CSGALNACT2: variants seen among roughly 807,000 people sequenced by gnomAD.
CSGALNACT2 encodes the protein chondroitin sulfate N-acetylgalactosaminyltransferase 2, also known as beta 4 GalNAcT-2.
In CSGALNACT2, 35 loss-of-function variants were observed where a neutral mutation model predicts 55.3. That is an observed-to-expected ratio of 0.63 (90% CI 0.48 to 0.84). CSGALNACT2 has a LOEUF of 0.84. Among genes scored for constraint, CSGALNACT2 ranks in the 40% least tolerant of loss-of-function variants. The pLI, the probability that CSGALNACT2 is intolerant of heterozygous loss-of-function variation, is 0.00. For synonymous variants in CSGALNACT2, 196 were observed against 224.9 expected (o/e 0.87, Z 1.15); for missense variants, 544 against 657.5 (o/e 0.83, Z 1.89).
Position 43,183,923 on chromosome 10 carries a change from C to G in CSGALNACT2, c.*381C>G, listed in dbSNP as rs557716566. The stretch of plus-strand genomic sequence containing the variant: ...TTGGGTGGAGAGCAGCACATTCTTA[C>G]AGAGGAGATGGAGCGTTATGAGCAT... On this transcript the variant is annotated 3_prime_UTR_variant, in exon 8 of 8. Transcript: ENST00000374466. The G allele has an allele frequency of 1.5e-4, 37 of 245,302 alleles. No homozygotes were observed. The highest frequency in any genetic ancestry group is 8.0e-4 in the African/African-American group (36 of 44,740). 15.2% of individuals were successfully genotyped at this position (245,302 alleles called of 1,614,324 possible).
Position 43,183,295 on chromosome 10 carries a change from A to T in CSGALNACT2, c.1382A>T (p.His461Leu). Reference protein sequence around the residue: ...EVKGWGGEDVHLYRKYLHGDL... With the variant: ...EVKGWGGEDVLLYRKYLHGDL... Reference sequence around the variant, plus strand: ...AAAGGTTGGGGTGGAGAAGATGTTCATCTTTATCGAAAATACTTACATGGT... The same window carrying T: ...AAAGGTTGGGGTGGAGAAGATGTTCTTCTTTATCGAAAATACTTACATGGT... Residue 461 changes from histidine (H) to leucine (L), a missense_variant, in exon 8 of 8, where the codon CAT (histidine) becomes CTT (leucine). Transcript: ENST00000374466. The T allele has an allele frequency of 6.2e-7, 1 of 1,613,820 alleles. No homozygotes were observed. Among genetic ancestry groups the T allele is most frequent in the East Asian group, 2.2e-5 (1 of 44,878 alleles).
intron 6 of CSGALNACT2, among the ~76,000 whole-genome samples, chr10:43,170,172 A>G (rs1839355167): frequency 6.6e-6 from 1 of 152,244 alleles, no homozygotes; most frequent in Non-Finnish European, 1.5e-5. Flanking sequence ...TTAAGATGTC[A>G]GCGGGTTATG....
chr10:43,159,305 A>AT (rs370203829), intron 3 of CSGALNACT2, among the ~76,000 whole-genome samples: 6,687 of 147,922 alleles, frequency 0.045, 179 homozygotes, highest in South Asian at 0.089. Context: ...TTTTATTTTT[A>AT]TTTTTTTTTT....
In CSGALNACT2 at chr10:43,158,804, T is replaced by C; in HGVS notation, c.751T>C (p.Phe251Leu). The change falls in exon 3 of 8, where the codon TTC (phenylalanine) becomes CTC (leucine). Residue 251 changes from phenylalanine (F) to leucine (L), a missense_variant. Transcript: ENST00000374466. ...TACGGAATATAGACATGTGACCCTCTTCCGCCCTTTTGGACCTCTCATGAA... is the reference window on the plus strand; with the variant it reads ...TACGGAATATAGACATGTGACCCTCCTCCGCCCTTTTGGACCTCTCATGAA... ...DLTEYRHVTL[F>L]RPFGPLMKVK... 6.2e-7 allele frequency: 1 copy of C among 1,611,852 alleles called. No individual in the cohort carries two copies. Among genetic ancestry groups the C allele is most frequent in the Non-Finnish European group, 8.5e-7 (1 of 1,178,064 alleles).
chr10:43,165,779 C>T (rs7895798), intron 5 of CSGALNACT2, among the ~76,000 whole-genome samples: 4,449 of 152,248 alleles, frequency 0.029, 165 homozygotes, highest in East Asian at 0.096. Context: ...TCACCTCAGT[C>T]GGGAGTTCGA....
chr10:43,163,761 A>G, intron 4 of CSGALNACT2, 105 bp from the exon 5 acceptor site: 2 of 1,399,634 alleles, frequency 1.4e-6, no homozygotes, highest in East Asian at 5.3e-5. Context: ...AACCAATATA[A>G]TCAAATATTT....
chr10:43,156,602 G>C (rs1400076807), intron 2 of CSGALNACT2, among the ~76,000 whole-genome samples: 1 of 152,274 alleles, frequency 6.6e-6, no homozygotes, highest in Non-Finnish European at 1.5e-5. Flanking sequence ...ACCAGGGACT[G>C]GTTTCATGGG....
intron 4 of CSGALNACT2, 91 bp from the exon 5 acceptor site, chr10:43,163,775 G>T: frequency 7.0e-7 from 1 of 1,425,950 alleles, no homozygotes; most frequent in Non-Finnish European, 9.2e-7. Flanking sequence ...AATATTTGAA[G>T]TGTAAAACAT....
chr10:43,179,753 A>C (rs1224164387), intron 7 of CSGALNACT2, among the ~76,000 whole-genome samples: 2 of 151,592 alleles, frequency 1.3e-5, no homozygotes, highest in Non-Finnish European at 2.9e-5. Context: ...TATTCTTACT[A>C]TCTCTCTCTG....
chr10:43,163,587 A>G (rs1839197146), intron 4 of CSGALNACT2: 1 of 985,114 alleles, frequency 1.0e-6, no homozygotes, highest in African/African-American at 1.7e-5. Flanking sequence ...GTATTTTTCA[A>G]CTCCCCAAAA....
Position 43,155,392 on chromosome 10 carries a change from A to T in CSGALNACT2, c.243A>T (p.Gln81His). The T allele has an allele frequency of 6.2e-7, 1 of 1,614,214 alleles. No individual in the cohort carries two copies. The highest frequency in any genetic ancestry group is 1.7e-5 in the Admixed American group (1 of 60,026). ...CCAGTCTGAAACGCCAAATTGCCCA[A>T]CTAAAACAAGAATTACAAGAAATGA... ...RATSLKRQIAQLKQELQEMSE... is the reference protein window; with the variant it reads ...RATSLKRQIAHLKQELQEMSE... The change falls in exon 2 of 8, where the codon CAA (glutamine) becomes CAT (histidine). Residue 81 changes from glutamine (Q) to histidine (H), a missense_variant. Coordinates refer to ENST00000374466, the MANE Select transcript of CSGALNACT2 (RefSeq NM_018590.5).
chr10:43,144,937 G>A lies in CSGALNACT2; in HGVS notation c.-254+6370G>A, dbSNP rs779690085. Among the ~76,000 whole-genome samples the A allele has an allele frequency of 3.7e-4, 57 of 152,158 alleles. 1 individual carries two copies. The highest frequency in any genetic ancestry group is 7.3e-5 in the Non-Finnish European group (5 of 68,038). ...TCTGTTGCCTGGCTCCTATTACTCA[G>A]AGTAATTGTTGATATTTATCCATGG... is the stretch of plus-strand genomic sequence containing the variant. On this transcript the variant is annotated intron_variant, in intron 1 of 7. Coordinates refer to ENST00000374466, the MANE Select transcript of CSGALNACT2 (RefSeq NM_018590.5).
At chr10:43,149,168 C>T (rs953330987) in intron 1 of CSGALNACT2, among the ~76,000 whole-genome samples, 11 of 152,134 alleles carry the variant, frequency 7.2e-5, no homozygotes, top group Admixed American at 3.9e-4. Flanking sequence ...CTGCAACCTC[C>T]GCCTCCCAGG....
chr10:43,182,011 G>A (rs1436286145), intron 7 of CSGALNACT2, among the ~76,000 whole-genome samples: 2 of 146,170 alleles, frequency 1.4e-5, no homozygotes, highest in African/African-American at 5.2e-5. Flanking sequence ...AAAGACAGGA[G>A]TAAGAAATTA....
intron 2 of CSGALNACT2, among the ~76,000 whole-genome samples, chr10:43,157,796 C>T (rs1275858358): frequency 5.9e-5 from 9 of 151,958 alleles, no homozygotes; most frequent in Admixed American, 3.9e-4. Flanking sequence ...TTTGGGAGGC[C>T]GAGGTGGGCA....
intron 4 of CSGALNACT2, chr10:43,163,023 C>G: frequency 3.0e-6 from 3 of 985,244 alleles, no homozygotes; most frequent in Non-Finnish European, 3.6e-6. Flanking sequence ...CTCACTGTTC[C>G]CATTTTAGGG....
intron 1 of CSGALNACT2, among the ~76,000 whole-genome samples, chr10:43,145,692 C>T (rs374564258): frequency 6.6e-5 from 10 of 152,270 alleles, no homozygotes; most frequent in African/African-American, 2.4e-4. Context: ...CAGGCATGAG[C>T]CACCATGCCC....
chr10:43,166,183 T>C (rs1475822618), intron 5 of CSGALNACT2, among the ~76,000 whole-genome samples: 1 of 152,218 alleles, frequency 6.6e-6, no homozygotes, highest in Non-Finnish European at 1.5e-5. Context: ...ATTTGCTTAG[T>C]TTAAAAGAAA....
In CSGALNACT2 at chr10:43,154,750, G is replaced by A. The variant is rs561573656; in HGVS notation, c.-253-147G>A. ...TCAAAAAAAAAAAAAAATTCTCCTA[G>A]TATTTACTGAATATTCTAAATTATA... On this transcript the variant is annotated intron_variant, in intron 1 of 7. Coordinates refer to ENST00000374466, the MANE Select transcript of CSGALNACT2 (RefSeq NM_018590.5). 20 of 155,390 alleles carry A rather than the reference G, an allele frequency of 1.3e-4. No homozygotes were observed. The South Asian group carries it at 3.6e-3, about 28-fold the overall frequency. The allele number at this position is 155,390 out of a possible 1,614,324, so 9.6% of individuals were successfully genotyped here.
Sources: allele counts gnomAD v4.1 joint callset (sites outside exome capture counted in the v4.1 genomes callset), GRCh38; gene constraint gnomAD v4.1.1; transcripts MANE v1.5; gene names NCBI Gene and HGNC (gene_info 2026-07-23, HGNC 2026-07-21).